Variants in ANKRD11 observed in about 807,000 individuals in gnomAD.
The protein encoded by ANKRD11 is ankyrin repeat domain 11.
Under a neutral mutation model 195.7 loss-of-function variants are expected in ANKRD11, and 17 were observed. The observed-to-expected ratio is 0.09, with a 90% CI of 0.06 to 0.13. The LOEUF (loss-of-function observed/expected upper bound fraction) is 0.13, where lower values mean the gene tolerates loss of function less well. Among genes scored for constraint, ANKRD11 ranks in the 10% least tolerant of loss-of-function variants. The pLI, the probability that ANKRD11 is intolerant of heterozygous loss-of-function variation, is 1.00. For synonymous variants in ANKRD11, 1,953 were observed against 1,528.1 expected (o/e 1.28, Z -6.49); for missense variants, 3,735 against 3,566.1 (o/e 1.05, Z -1.21).
chr16:89,274,569 G>A (rs2033475099), intron 11 of ANKRD11, among the ~76,000 whole-genome samples: 1 of 152,228 alleles, frequency 6.6e-6, no homozygotes, highest in Admixed American at 6.5e-5. Context: ...CTGAGCTGCT[G>A]AGGCCCAGCC....
Position 89,280,737 on chromosome 16 carries a change from G to A in ANKRD11, c.5805C>T (p.Asp1935=), listed in dbSNP as rs1224333180. 2 of 1,613,452 alleles carry A rather than the reference G, an allele frequency of 1.2e-6. No individual in the cohort carries two copies. Among genetic ancestry groups the A allele is most frequent in the Non-Finnish European group, 1.7e-6 (2 of 1,179,906 alleles). The part of the protein sequence containing the change: ...PPEPSYLEPL[D]EGPFSAVITE... The stretch of plus-strand genomic sequence containing the variant: ...TGATGACGGCGCTGAAGGGACCCTC[G>A]TCCAGCGGCTCCAGGTAGCTGGGCT... Residue 1935 remains aspartate (D), a synonymous_variant, in exon 9 of 13, where the codon GAC becomes GAT. Transcript: ENST00000301030.
intron 2 of ANKRD11, chr16:89,324,525 G>A (rs1597645056): frequency 2.2e-6 from 1 of 456,170 alleles, no homozygotes; most frequent in East Asian, 6.9e-5. Flanking sequence ...TGCCAAAGGA[G>A]ATTCACATTG....
chr16:89,376,271 G>A (rs770197575), intron 2 of ANKRD11, among the ~76,000 whole-genome samples: 6 of 152,176 alleles, frequency 3.9e-5, no homozygotes, highest in Non-Finnish European at 8.8e-5. Flanking sequence ...GGAAGCAGCT[G>A]GAGAAGTGGA....
chr16:89,322,806 G>A (rs1438805831), intron 2 of ANKRD11, among the ~76,000 whole-genome samples: 1 of 152,244 alleles, frequency 6.6e-6, no homozygotes, highest in African/African-American at 2.4e-5. Context: ...TGCAGCACAC[G>A]GCCATGCTCC....
Position 89,490,501 on chromosome 16 carries a change from G to A in ANKRD11, c.-401C>T, listed in dbSNP as rs1365173433. Reference sequence around the variant, plus strand: ...GATGGGGCGTCTGGCCGCGGGCTCGGCGGCGGCGCCTCCCCGGCTGGGGCC... The same window carrying A: ...GATGGGGCGTCTGGCCGCGGGCTCGACGGCGGCGCCTCCCCGGCTGGGGCC... On this transcript the variant is annotated 5_prime_UTR_variant, in exon 1 of 13. Coordinates refer to ENST00000301030, the MANE Select transcript of ANKRD11 (RefSeq NM_013275.6). 2 of 465,898 alleles carry A rather than the reference G, an allele frequency of 4.3e-6. No homozygotes were observed. Among genetic ancestry groups the A allele is most frequent in the Non-Finnish European group, 7.7e-6 (2 of 258,946 alleles). 28.9% of individuals were successfully genotyped at this position (465,898 alleles called of 1,614,324 possible). A position where few individuals can be genotyped will look rare whatever the true frequency, so the allele number is the denominator to read the frequency against.
chr16:89,344,905 T>C (rs559862596), intron 2 of ANKRD11, among the ~76,000 whole-genome samples: 1 of 152,324 alleles, frequency 6.6e-6, no homozygotes, highest in Admixed American at 6.5e-5. Flanking sequence ...CTTAGTTTCA[T>C]TACCAGGCTC....
Position 89,279,425 on chromosome 16 carries a change from C to T in ANKRD11, c.7117G>A (p.Gly2373Ser), listed in dbSNP as rs1464449112. Residue 2373 changes from glycine to serine, a missense_variant, in exon 9 of 13, where the codon GGC (glycine) becomes AGC (serine). Coordinates refer to ENST00000301030, the MANE Select transcript of ANKRD11 (RefSeq NM_013275.6). This position sits in a 1 kb window ranked among gnomAD's most constrained non-coding sequence, Gnocchi z 5.6. ...PAPVTRAKAR[G>S]SEDDDAQAQH... is the part of the protein sequence containing the mutation. ...GCCTGGGCGTCGTCGTCCTCGGAGC[C>T]GCGGGCCTTGGCCCTGGTGACCGGG... The T allele has an allele frequency of 1.4e-5, 22 of 1,523,946 alleles. 1 individual carries two copies. The highest frequency in any genetic ancestry group is 1.8e-5 in the Non-Finnish European group (20 of 1,138,156). The allele number at this position is 1,523,946 out of a possible 1,614,324, so 94.4% of individuals were successfully genotyped here.
At chr16:89,489,416 T>G in intron 1 of ANKRD11, among the ~76,000 whole-genome samples, 1 of 8,654 alleles carries the variant, frequency 1.2e-4, no homozygotes, top group African/African-American at 4.9e-4. Context: ...CCCGCCCGCC[T>G]ACCCTCCCCC....
At chr16:89,366,450 G>T (rs2039954953) in intron 2 of ANKRD11, among the ~76,000 whole-genome samples, 1 of 152,182 alleles carries the variant, frequency 6.6e-6, no homozygotes, top group Non-Finnish European at 1.5e-5. Context: ...TGCCAACAGT[G>T]TATAAGTGCT....
At chr16:89,476,286 G>T (rs1273166211) in intron 1 of ANKRD11, among the ~76,000 whole-genome samples, 1 of 152,108 alleles carries the variant, frequency 6.6e-6, no homozygotes, top group Admixed American at 6.6e-5. Context: ...ACTTGTCACA[G>T]CCTTAATAAC....
chr16:89,436,094 A>G (rs2043205339), intron 1 of ANKRD11, among the ~76,000 whole-genome samples: 1 of 152,180 alleles, frequency 6.6e-6, no homozygotes, highest in South Asian at 2.1e-4. Context: ...CATTTGGGAA[A>G]GTAGACTAAA....
intron 2 of ANKRD11, among the ~76,000 whole-genome samples, chr16:89,381,055 G>T (rs190494059): frequency 6.6e-6 from 1 of 152,152 alleles, no homozygotes; most frequent in South Asian, 2.1e-4. Context: ...GGGCGAGGTG[G>T]CTCAGGCCTG....
chr16:89,285,183 TTTA>T lies in ANKRD11; in HGVS notation c.1356_1358del (p.Asn452del), dbSNP rs768891680. On this transcript the variant is annotated inframe_deletion, in exon 9 of 13. Transcript: ENST00000301030. The surrounding 1 kb of genome is among the most constrained non-coding windows in gnomAD (Gnocchi z 5.6). ...TTTCTTTCTTTCGCTTCTTTTTCACTTTATTTTTTTCCTTCTGCTGCTTGGCAT... is the reference window on the plus strand; with the variant it reads ...TTTCTTTCTTTCGCTTCTTTTTCACTTTTTTTTCCTTCTGCTGCTTGGCAT... 1.3e-5 allele frequency: 21 copies of T among 1,613,476 alleles called. No homozygotes were observed. In the South Asian group the frequency reaches 2.1e-4, roughly 16 times the overall value.
chr16:89,358,969 G>A (rs562386492), intron 2 of ANKRD11, among the ~76,000 whole-genome samples: 91 of 152,170 alleles, frequency 6.0e-4, no homozygotes, highest in Admixed American at 2.8e-3. Context: ...GGGACCACAG[G>A]CATGCACCAC....
intron 1 of ANKRD11, among the ~76,000 whole-genome samples, chr16:89,460,518 C>A (rs1277558911): frequency 6.6e-6 from 1 of 152,120 alleles, no homozygotes; most frequent in Non-Finnish European, 1.5e-5. Context: ...AAGATAGTGC[C>A]ATTGCACTCC....
At chr16:89,486,304 G>A (rs1013410648) in intron 1 of ANKRD11, among the ~76,000 whole-genome samples, 7 of 151,852 alleles carry the variant, frequency 4.6e-5, no homozygotes, top group Non-Finnish European at 7.4e-5. Context: ...AGCTGGGCAC[G>A]GCGGCACATG....
At chr16:89,430,358 TCTCACG>T (rs2042923356) in intron 1 of ANKRD11, among the ~76,000 whole-genome samples, 2 of 147,974 alleles carry the variant, frequency 1.4e-5, no homozygotes, top group South Asian at 4.4e-4. Flanking sequence ...GACTCTCAAC[TCTCACG>T]CTCAGTCGTT....
intron 2 of ANKRD11, among the ~76,000 whole-genome samples, chr16:89,407,948 G>A (rs563847202): frequency 2.6e-5 from 4 of 151,502 alleles, no homozygotes; most frequent in Non-Finnish European, 5.9e-5. Context: ...AAGCCAAACT[G>A]ATAAGTTTTT....
intron 1 of ANKRD11, among the ~76,000 whole-genome samples, chr16:89,479,719 G>A (rs1433514976): frequency 2.6e-5 from 4 of 151,688 alleles, no homozygotes; most frequent in East Asian, 3.9e-4. Context: ...CCGAGGGGGC[G>A]GATCACGAGT....
Sources: allele counts gnomAD v4.1 joint callset (sites outside exome capture counted in the v4.1 genomes callset), GRCh38; gene constraint gnomAD v4.1.1; non-coding constraint Gnocchi (gnomAD v3.1); transcripts MANE v1.5; gene names NCBI Gene and HGNC (gene_info 2026-07-23, HGNC 2026-07-21).